The following SOX10 variants were observed in gnomAD, a reference collection of about 807,000 sequenced individuals.
The protein encoded by SOX10 is transcription factor SOX-10.
Under a neutral mutation model 35.0 loss-of-function variants are expected in SOX10, and 3 were observed. The observed-to-expected ratio is 0.09, with a 90% CI of 0.04 to 0.22. The LOEUF (loss-of-function observed/expected upper bound fraction) is 0.22, where lower values mean the gene tolerates loss of function less well. SOX10 is among the 10% of genes least tolerant of loss of function. The pLI is 1.00. For missense variants in SOX10, 436 were observed against 655.1 expected (o/e 0.67, Z 3.65); for synonymous variants, 285 against 291.0 (o/e 0.98, Z 0.21).
chr22:37,972,438 G>A lies in SOX10; in HGVS notation c.*1057C>T. On this transcript the variant is annotated 3_prime_UTR_variant, in exon 4 of 4. Coordinates refer to ENST00000396884, the MANE Select transcript of SOX10 (RefSeq NM_006941.4). ...AGTAATGAGTTACATGTGGATTTGG[G>A]GGGCTGCAGAACAGGAAAATAGGGG... The A allele has an allele frequency of 2.8e-6, 1 of 356,740 alleles. No homozygotes were observed. 22.1% of individuals were successfully genotyped at this position (356,740 alleles called of 1,614,324 possible).
chr22:37,975,523 G>A (rs951371350), intron 3 of SOX10, among the ~76,000 whole-genome samples: 8 of 152,148 alleles, frequency 5.3e-5, no homozygotes, highest in Admixed American at 2.6e-4. Context: ...GTATGTACAC[G>A]TGTGTGGGAG....
chr22:37,974,123 C>A lies in SOX10; in HGVS notation c.773G>T (p.Arg258Leu), dbSNP rs748234376. The change falls in exon 4 of 4, where the codon CGG (arginine) becomes CTG (leucine). Residue 258 changes from arginine to leucine, a missense_variant. Physicochemically the swap from Arg to Leu is moderately radical, Grantham distance 102. Transcript: ENST00000396884. This position sits in a 1 kb window ranked among gnomAD's most constrained non-coding sequence, Gnocchi z 5.4. ...ELQSGKADPK[R>L]DGRSMGEGGK... The stretch of plus-strand genomic sequence containing the variant: ...GCCCTCCCCCATGGAGCGCCCGTCC[C>A]GCTTCGGGTCTGCCTTGCCCGACTG... 1.2e-5 allele frequency: 19 copies of A among 1,612,732 alleles called. 1 individual carries two copies. Among genetic ancestry groups the A allele is most frequent in the Admixed American group, 1.7e-5 (1 of 60,006 alleles).
chr22:37,975,806 C>T (rs1212164789), intron 3 of SOX10, among the ~76,000 whole-genome samples: 2 of 152,076 alleles, frequency 1.3e-5, no homozygotes, highest in Middle Eastern at 3.2e-3. Context: ...TTTCTGGAAG[C>T]CTTCCTTGAC....
chr22:37,976,092 G>C (rs1008496111), intron 3 of SOX10, among the ~76,000 whole-genome samples: 2 of 152,016 alleles, frequency 1.3e-5, no homozygotes, highest in African/African-American at 4.8e-5. Flanking sequence ...GTGTGGTGGC[G>C]TGCATCTGTA....
Position 37,980,195 on chromosome 22 carries a change from C to T in SOX10, c.429-2060G>A, listed in dbSNP as rs1932353757. Among the ~76,000 whole-genome samples the T allele has an allele frequency of 6.6e-6, 1 of 152,132 alleles. No individual in the cohort carries two copies. The highest frequency in any genetic ancestry group is 2.1e-4 in the South Asian group (1 of 4,826). The stretch of plus-strand genomic sequence containing the variant: ...TCAGGGAGTGGGATGTGGGCACCCT[C>T]TCTGACGGCTGGGACCAGGGGAGGG... On this transcript the variant is annotated intron_variant, in intron 2 of 3. Transcript: ENST00000396884. This position sits in a 1 kb window ranked among gnomAD's most constrained non-coding sequence, Gnocchi z 4.1.
Position 37,983,247 on chromosome 22 carries a change from A to C in SOX10, c.428+110T>G. Reference sequence around the variant, plus strand: ...CCTGGTCTTCCAGCCCTATCCAAGGAGGACTGCCAGACAGTCCCGCTCTGA... The same window carrying C: ...CCTGGTCTTCCAGCCCTATCCAAGGCGGACTGCCAGACAGTCCCGCTCTGA... On this transcript the variant is annotated intron_variant, in intron 2 of 3. Transcript: ENST00000396884. The surrounding 1 kb of genome is among the most constrained non-coding windows in gnomAD (Gnocchi z 9.5). The C allele has an allele frequency of 7.9e-7, 1 of 1,268,744 alleles. No individual in the cohort carries two copies. The highest frequency in any genetic ancestry group is 2.6e-4 in the Middle Eastern group (1 of 3,874). 78.6% of individuals were successfully genotyped at this position (1,268,744 alleles called of 1,614,324 possible). A position where few individuals can be genotyped will look rare whatever the true frequency, so the allele number is the denominator to read the frequency against.
In SOX10 at chr22:37,974,824, C is replaced by T. The variant is rs767104686; in HGVS notation, c.698-626G>A. 3.9e-5 allele frequency among the ~76,000 whole-genome samples: 6 copies of T among 152,194 alleles called. No homozygotes were observed. Among genetic ancestry groups the T allele is most frequent in the Admixed American group, 1.3e-4 (2 of 15,288 alleles). ...TCCAGGTGGTCTGGCCCAGCCTTTG[C>T]GCTCTGCCAGCCCCGCTTCCACACC... On this transcript the variant is annotated intron_variant, in intron 3 of 3. Coordinates refer to ENST00000396884, the MANE Select transcript of SOX10 (RefSeq NM_006941.4). This position sits in a 1 kb window ranked among gnomAD's most constrained non-coding sequence, Gnocchi z 5.4.
In SOX10 at chr22:37,983,284, C is replaced by T; in HGVS notation, c.428+73G>A. The T allele has an allele frequency of 6.6e-7, 1 of 1,515,392 alleles. No homozygotes were observed. Among genetic ancestry groups the T allele is most frequent in the Non-Finnish European group, 8.9e-7 (1 of 1,121,876 alleles). The allele number at this position is 1,515,392 out of a possible 1,614,324, so 93.9% of individuals were successfully genotyped here. ...CAGTCCCGCTCTGAGGTGCAGGAGG[C>T]CGGGCCGCCTCGGCTACCCTGAATC... On this transcript the variant is annotated intron_variant, in intron 2 of 3. Transcript: ENST00000396884. This position sits in a 1 kb window ranked among gnomAD's most constrained non-coding sequence, Gnocchi z 9.5.
intron 3 of SOX10, 55 bp downstream of exon 3, chr22:37,977,812 T>A: frequency 6.4e-7 from 1 of 1,560,188 alleles, no homozygotes; most frequent in Non-Finnish European, 8.7e-7. Flanking sequence ...TCCAGCCATC[T>A]CCTGTCTCCA....
chr22:37,973,846 C>T lies in SOX10; in HGVS notation c.1050G>A (p.Val350=). Residue 350 remains valine, a synonymous_variant, in exon 4 of 4, where the codon GTG becomes GTA. Transcript: ENST00000396884. ...CTGTCTTCACCTGGGCTTTGGCATC[C>T]ACACCAGGTGGTGAGACCGTGGGCA... ...VALPTVSPPG[V]DAKAQVKTET... is the part of the protein sequence containing the mutation. 2 of 1,606,486 alleles carry T rather than the reference C, an allele frequency of 1.2e-6. No homozygotes were observed. The highest frequency in any genetic ancestry group is 1.7e-6 in the Non-Finnish European group (2 of 1,174,954).
At position 37,978,282 on chromosome 22, in the gene SOX10, C is replaced by A; in HGVS notation, c.429-147G>T. 1 of 828,524 alleles carries A rather than the reference C, an allele frequency of 1.2e-6. No individual in the cohort carries two copies. The highest frequency in any genetic ancestry group is 1.8e-6 in the Non-Finnish European group (1 of 550,730). The allele number at this position is 828,524 out of a possible 1,614,324, so 51.3% of individuals were successfully genotyped here. A position where few individuals can be genotyped will look rare whatever the true frequency, so the allele number is the denominator to read the frequency against. On this transcript the variant is annotated intron_variant, in intron 2 of 3. Transcript: ENST00000396884. The surrounding 1 kb of genome is among the most constrained non-coding windows in gnomAD (Gnocchi z 5.0). ...CAGAGGACAGGACCCGGGGTGGGGG[C>A]TGTGCCCTATGATTTGTGGACTGAG... is the stretch of plus-strand genomic sequence containing the variant.
At position 37,973,408 on chromosome 22, in the gene SOX10, C is replaced by T. The variant is rs943287191; in HGVS notation, c.*87G>A. The T allele has an allele frequency of 1.1e-6, 1 of 897,316 alleles. No individual in the cohort carries two copies. Among genetic ancestry groups the T allele is most frequent in the Non-Finnish European group, 1.7e-6 (1 of 601,198 alleles). 55.6% of individuals were successfully genotyped at this position (897,316 alleles called of 1,614,324 possible). On this transcript the variant is annotated 3_prime_UTR_variant, in exon 4 of 4. Transcript: ENST00000396884. ...TCAGCCTCCTCAGCCTCCTCCACTG[C>T]CACCACCAGGCCTGAGGTGGGCAAG... is the stretch of plus-strand genomic sequence containing the variant.
chr22:37,973,555 G>A lies in SOX10; in HGVS notation c.1341C>T (p.Pro447=). The A allele has an allele frequency of 6.2e-7, 1 of 1,612,480 alleles. No homozygotes were observed. The highest frequency in any genetic ancestry group is 8.5e-7 in the Non-Finnish European group (1 of 1,179,684). ...CCCAGTGTGTGGGGCTGTGGGACTG[G>A]GGCCCTGAGGGGCTGGGGTCAGAGA... The part of the protein sequence containing the change: ...TAISDPSPSG[P]QSHSPTHWEQ... The change falls in exon 4 of 4, where the codon CCC becomes CCT. Residue 447 remains proline (P), a synonymous_variant. Transcript: ENST00000396884.
At chr22:37,981,816 C>T (rs1319792749) in intron 2 of SOX10, among the ~76,000 whole-genome samples, 2 of 152,228 alleles carry the variant, frequency 1.3e-5, no homozygotes, top group Non-Finnish European at 2.9e-5. Context: ...ACTGGGCTGT[C>T]TGGGTCCACA....
At chr22:37,982,838 A>T (rs1352512728) in intron 2 of SOX10, among the ~76,000 whole-genome samples, 1 of 152,188 alleles carries the variant, frequency 6.6e-6, no homozygotes, top group East Asian at 1.9e-4. Context: ...CCGCAGCAGC[A>T]GATTTGTCCC....
At chr22:37,977,405 C>T (rs2145767108) in intron 3 of SOX10, among the ~76,000 whole-genome samples, 1 of 151,768 alleles carries the variant, frequency 6.6e-6, no homozygotes, top group East Asian at 2.0e-4. Flanking sequence ...ACTGCAAGCT[C>T]CGCCTCCTGG....
chr22:37,983,592 C>T lies in SOX10; in HGVS notation c.193G>A (p.Asp65Asn), dbSNP rs1413568253. 2.5e-6 allele frequency: 4 copies of T among 1,609,058 alleles called. No individual in the cohort carries two copies. The highest frequency in any genetic ancestry group is 1.7e-6 in the Non-Finnish European group (2 of 1,178,920). ...CGGATGCACACGGGGAACTTGTCATCGTCCGCCTCGCCGTCCTGCTGCTCC... is the reference window on the plus strand; with the variant it reads ...CGGATGCACACGGGGAACTTGTCATTGTCCGCCTCGCCGTCCTGCTGCTCC... ...KKEQQDGEAD[D>N]DKFPVCIREA... is the part of the protein sequence containing the mutation. The change falls in exon 2 of 4, where the codon GAT (aspartate) becomes AAT (asparagine). Residue 65 changes from aspartate (D) to asparagine (N), a missense_variant. By Grantham distance (23) the Asp-to-Asn change is conservative. Around this residue, in one of 3 missense-constraint regions of SOX10, gnomAD observed 97 missense variants for 95.5 expected, o/e 1.02. Coordinates refer to ENST00000396884, the MANE Select transcript of SOX10 (RefSeq NM_006941.4). This position sits in a 1 kb window ranked among gnomAD's most constrained non-coding sequence, Gnocchi z 9.5.
rs534786640 is a variant in SOX10 at position 37,974,848 on chromosome 22, C to A, written c.698-650G>T. ...GCGCTCTGCCAGCCCCGCTTCCACA[C>A]CCATGCCTACTGTCTTCCTTGCTGA... On this transcript the variant is annotated intron_variant, in intron 3 of 3. Transcript: ENST00000396884. The surrounding 1 kb of genome is among the most constrained non-coding windows in gnomAD (Gnocchi z 5.4). Among the ~76,000 whole-genome samples the A allele has an allele frequency of 3.9e-5, 6 of 152,364 alleles. No homozygotes were observed. The highest frequency in any genetic ancestry group is 6.5e-5 in the Admixed American group (1 of 15,298).
intron 2 of SOX10, among the ~76,000 whole-genome samples, chr22:37,982,878 ACT>A (rs1228593443): frequency 6.6e-6 from 1 of 151,694 alleles, no homozygotes; most frequent in Non-Finnish European, 1.5e-5. Flanking sequence ...TCTTCCAAAG[ACT>A]CTCATCTGAA....
Sources: gnomAD v4.1 joint callset for allele counts (sites outside exome capture counted in the v4.1 genomes callset) on GRCh38, gnomAD v4.1.1 for gene constraint, gnomAD v4.1.1 regional missense constraint, Gnocchi (gnomAD v3.1) non-coding constraint, MANE v1.5 for transcripts, NCBI Gene and HGNC (gene_info 2026-07-23, HGNC 2026-07-21) for gene names.